The following ZNF475 variants were observed in gnomAD, a reference collection of about 807,000 sequenced individuals.
ZNF475 encodes zinc finger protein 475.
At chr5:122,176,229 T>G in the ZNF475 span, among the ~76,000 whole-genome samples, 1 of 152,188 alleles carries the variant, frequency 6.6e-6, no homozygotes, top group Non-Finnish European at 1.5e-5. Flanking sequence ...ACTATAAATA[T>G]TCTCCCAAGA....
At chr5:122,181,142 G>C in the ZNF475 span, among the ~76,000 whole-genome samples, 4 of 152,118 alleles carry the variant, frequency 2.6e-5, no homozygotes, top group African/African-American at 9.7e-5. Flanking sequence ...GCACTTCCCT[G>C]CAGTCTTCCT....
the ZNF475 span, among the ~76,000 whole-genome samples, chr5:122,178,332 A>T: frequency 1.1e-4 from 16 of 152,210 alleles, no homozygotes; most frequent in African/African-American, 3.1e-4. Flanking sequence ...TGTCTTCCAG[A>T]ATGGTTGAAC....
chr5:122,161,933 A>C, the ZNF475 span, among the ~76,000 whole-genome samples: 2 of 152,080 alleles, frequency 1.3e-5, no homozygotes, highest in Non-Finnish European at 1.5e-5. Flanking sequence ...TTCTTCTAAG[A>C]TCAGAAAAAC....
chr5:122,182,298 T>C, the ZNF475 span, among the ~76,000 whole-genome samples: 1 of 152,188 alleles, frequency 6.6e-6, no homozygotes, highest in African/African-American at 2.4e-5. Flanking sequence ...CAGCCCTTTC[T>C]TTTTTGGAGG....
At chr5:122,173,617 C>T in the ZNF475 span, among the ~76,000 whole-genome samples, 1 of 152,156 alleles carries the variant, frequency 6.6e-6, no homozygotes, top group Non-Finnish European at 1.5e-5. Context: ...GAAAAAGATG[C>T]TGTGTGGAAA....
the ZNF475 span, among the ~76,000 whole-genome samples, chr5:122,174,996 G>C: frequency 5.9e-5 from 9 of 151,890 alleles, no homozygotes; most frequent in Non-Finnish European, 4.4e-5. Flanking sequence ...TGCCACTTTT[G>C]AATTGTTAGA....
the ZNF475 span, chr5:122,179,779 T>G: frequency 3.1e-6 from 4 of 1,286,134 alleles, no homozygotes; most frequent in Non-Finnish European, 4.1e-6. Flanking sequence ...GACTTTTCTC[T>G]CTAAACTAAT....
the ZNF475 span, chr5:122,179,959 G>A: frequency 3.2e-6 from 1 of 316,008 alleles, no homozygotes; most frequent in East Asian, 5.0e-5. Context: ...TGCATGAGAG[G>A]GACCTATGGG....
the ZNF475 span, among the ~76,000 whole-genome samples, chr5:122,162,685 T>A: frequency 6.6e-6 from 1 of 152,132 alleles, no homozygotes; most frequent in Non-Finnish European, 1.5e-5. Flanking sequence ...TAGCACCTTC[T>A]GCAACCTCCC....
At chr5:122,178,657 T>C in the ZNF475 span, among the ~76,000 whole-genome samples, 1 of 152,324 alleles carries the variant, frequency 6.6e-6, no homozygotes. Context: ...ATGAGTAGGT[T>C]GAGAAAATTT....
chr5:122,174,094 A>T, the ZNF475 span, among the ~76,000 whole-genome samples: 62 of 151,604 alleles, frequency 4.1e-4, no homozygotes, highest in Non-Finnish European at 1.6e-4. Flanking sequence ...TGCCCTCCTT[A>T]CTCTGTTATG....
chr5:122,181,102 C>T, the ZNF475 span, among the ~76,000 whole-genome samples: 2 of 152,120 alleles, frequency 1.3e-5, no homozygotes, highest in African/African-American at 4.8e-5. Context: ...CTGTTACTGC[C>T]TACAGATGGA....
the ZNF475 span, among the ~76,000 whole-genome samples, chr5:122,172,455 C>T: frequency 6.6e-6 from 1 of 152,134 alleles, no homozygotes; most frequent in Admixed American, 6.5e-5. Context: ...TCTAAAGGCC[C>T]AATAGCTCAC....
At chr5:122,165,078 A>G in the ZNF475 span, among the ~76,000 whole-genome samples, 3 of 152,220 alleles carry the variant, frequency 2.0e-5, no homozygotes, top group Non-Finnish European at 4.4e-5. Context: ...TCCCTGGCAC[A>G]TTGTCAGTAA....
the ZNF475 span, chr5:122,179,598 C>T: frequency 8.6e-3 from 13,153 of 1,527,816 alleles, 693 homozygotes; most frequent in African/African-American, 0.13. Flanking sequence ...CATTTGTGGT[C>T]GTGAATATGG....
At chr5:122,164,810 C>T in the ZNF475 span, among the ~76,000 whole-genome samples, 4,790 of 152,268 alleles carry the variant, frequency 0.031, 257 homozygotes, top group African/African-American at 0.11. Flanking sequence ...ATGCTTCCTC[C>T]ACTCAGCAGG....
the ZNF475 span, among the ~76,000 whole-genome samples, chr5:122,177,664 A>G: frequency 2.0e-5 from 3 of 152,154 alleles, no homozygotes; most frequent in Non-Finnish European, 2.9e-5. Context: ...TTTTTAAATC[A>G]TGTTGATTTT....
At chr5:122,160,745 CT>C in the ZNF475 span, among the ~76,000 whole-genome samples, 1 of 152,142 alleles carries the variant, frequency 6.6e-6, no homozygotes, top group African/African-American at 2.4e-5. Flanking sequence ...CATAGTTATA[CT>C]CTCGAAAAGT....
the ZNF475 span, among the ~76,000 whole-genome samples, chr5:122,164,189 G>A: frequency 6.6e-6 from 1 of 152,082 alleles, no homozygotes; most frequent in Non-Finnish European, 1.5e-5. Context: ...AGTGAGGAGA[G>A]GGATTAGAAA....
Sources: allele counts gnomAD v4.1 joint callset (sites outside exome capture counted in the v4.1 genomes callset), GRCh38; gene constraint gnomAD v4.1.1; transcripts MANE v1.5; gene names NCBI Gene and HGNC (gene_info 2026-07-23, HGNC 2026-07-21).